ZNF577: variants seen among roughly 807,000 people sequenced by gnomAD.
The protein encoded by ZNF577 is zinc finger protein 577.
ZNF577 carries 14 observed loss-of-function variants against 13.9 expected under a neutral mutation model. The observed-to-expected ratio is 1.00, with a 90% confidence interval of 0.66 to 1.57. The LOEUF (loss-of-function observed/expected upper bound fraction) is 1.57, where lower values mean the gene tolerates loss of function less well. ZNF577 is among the 40% of genes most tolerant of loss of function. The pLI, the probability that ZNF577 is intolerant of heterozygous loss-of-function variation, is 0.00. For missense variants in ZNF577, 555 were observed against 579.2 expected, an observed-to-expected ratio of 0.96 and a Z score of 0.43; for synonymous variants, 203 against 202.9, an observed-to-expected ratio of 1.00 and a Z score of 0.00.
chr19:51,814,641 G>T (rs1451725301), intron 9 of ZNF577, among the ~76,000 whole-genome samples: 1 of 151,740 alleles, frequency 6.6e-6, no homozygotes, highest in Non-Finnish European at 1.5e-5. Flanking sequence ...CTACAGGCAT[G>T]TGCCATTCTG....
exon 6 of ZNF577, chr19:51,844,811 T>A (rs1197447425): frequency 6.6e-6 from 1 of 152,248 alleles, no homozygotes; most frequent in Non-Finnish European, 1.5e-5. Flanking sequence ...ACTTTTAGTA[T>A]CTGTTTGTCC....
In ZNF577 at chr19:51,873,171, A is replaced by G. The variant is rs182407520; in HGVS notation, c.819T>C (p.Ser273=). The change falls in exon 6 of 6, where the codon AGT becomes AGC. Residue 273 remains serine, a synonymous_variant. Transcript: ENST00000638348. ...SHTGEKLYGC[S]VCGKAFSQKA... ...TCTGAGAAAAGGCTTTCCCACACAC[A>G]CTGCACCCATAGAGTTTCTCTCCAG... 6 of 1,613,960 alleles carry G rather than the reference A, an allele frequency of 3.7e-6. No individual in the cohort carries two copies. The South Asian group carries it at 6.6e-5, about 18-fold the overall frequency.
intron 9 of ZNF577, among the ~76,000 whole-genome samples, chr19:51,828,259 T>C (rs921061472): frequency 6.6e-6 from 1 of 151,890 alleles, no homozygotes; most frequent in Non-Finnish European, 1.5e-5. Flanking sequence ...TCCCAGCTAC[T>C]TGGAAGACTG....
At chr19:51,877,134 G>C (rs892734722) in intron 5 of ZNF577, 148 bp downstream of exon 5, 1 of 607,086 alleles carries the variant, frequency 1.6e-6, no homozygotes, top group East Asian at 2.9e-5. Flanking sequence ...ATTAGGGATG[G>C]ACACAGATGC....
chr19:51,847,580 G>C (rs1290351687), intron 5 of ZNF577, among the ~76,000 whole-genome samples: 1 of 152,230 alleles, frequency 6.6e-6, no homozygotes, highest in East Asian at 1.9e-4. Context: ...CAGGGAGCAC[G>C]ATGAGGAGAG....
At chr19:51,842,678 G>A (rs117292022) in intron 8 of ZNF577, 2,820 of 152,288 alleles carry the variant, frequency 0.019, 39 homozygotes, top group Non-Finnish European at 0.03. Context: ...TCATATTGAA[G>A]ACCTCTTTTC....
intron 1 of ZNF577, among the ~76,000 whole-genome samples, chr19:51,885,434 A>G (rs1050909045): frequency 1.3e-5 from 2 of 152,086 alleles, no homozygotes; most frequent in Non-Finnish European, 2.9e-5. Context: ...AGAATTTCCC[A>G]TTATGATTGG....
chr19:51,834,425 T>C (rs1173122961), intron 9 of ZNF577, among the ~76,000 whole-genome samples: 1 of 152,198 alleles, frequency 6.6e-6, no homozygotes, highest in East Asian at 1.9e-4. Context: ...TCTTTTCAAG[T>C]GCTGGGTTAT....
intron 5 of ZNF577, among the ~76,000 whole-genome samples, chr19:51,853,962 T>C (rs117482005): frequency 0.01 from 1,566 of 150,978 alleles, 16 homozygotes; most frequent in Admixed American, 0.019. Flanking sequence ...AGATAGATTA[T>C]AGGTAGAAGA....
intron 1 of ZNF577, among the ~76,000 whole-genome samples, chr19:51,883,577 T>G (rs2084897344): frequency 6.6e-6 from 1 of 151,324 alleles, no homozygotes; most frequent in Non-Finnish European, 1.5e-5. Flanking sequence ...TACTTCCTAC[T>G]GCAACATATG....
At chr19:51,859,071 T>C (rs1334597455) in intron 5 of ZNF577, among the ~76,000 whole-genome samples, 2 of 152,206 alleles carry the variant, frequency 1.3e-5, no homozygotes, top group African/African-American at 2.4e-5. Context: ...TTCAGAGTAT[T>C]TGATATAAAT....
rs190551062 is a variant in ZNF577 at position 51,869,501 on chromosome 19, T to C, written c.*3031A>G. Among the ~76,000 whole-genome samples, 54 of 152,128 alleles carry C rather than the reference T, an allele frequency of 3.5e-4. No homozygotes were observed. The highest frequency in any genetic ancestry group is 6.2e-4 in the Non-Finnish European group (42 of 67,962). The stretch of plus-strand genomic sequence containing the variant: ...TGCCACATCCCCCTCTCCGAGATGG[T>C]AGAGATAGTGATCAACAAATGCTGA... On this transcript the variant is annotated 3_prime_UTR_variant, in exon 6 of 6. Transcript: ENST00000638348.
At chr19:51,825,150 ACC>A (rs1195456036) in intron 9 of ZNF577, 1 of 237,134 alleles carries the variant, frequency 4.2e-6, no homozygotes, top group African/African-American at 2.3e-5. Flanking sequence ...GGTTCCCACT[ACC>A]CCCTCTTTGG....
At chr19:51,856,779 G>A (rs1015744793) in intron 5 of ZNF577, among the ~76,000 whole-genome samples, 21 of 152,086 alleles carry the variant, frequency 1.4e-4, no homozygotes, top group African/African-American at 5.1e-4. Flanking sequence ...ATAATATACT[G>A]CATGAAAGGT....
chr19:51,854,856 T>C (rs2084402193), intron 5 of ZNF577, among the ~76,000 whole-genome samples: 1 of 152,180 alleles, frequency 6.6e-6, no homozygotes, highest in South Asian at 2.1e-4. Context: ...CACTTCTTCA[T>C]GTTCCTCAGA....
At chr19:51,876,797 C>T (rs888890804) in intron 5 of ZNF577, among the ~76,000 whole-genome samples, 1 of 151,654 alleles carries the variant, frequency 6.6e-6, no homozygotes, top group Non-Finnish European at 1.5e-5. Flanking sequence ...GCCTGGTGGC[C>T]GGCACCTGTA....
rs2084590238 is a variant in ZNF577, at chr19:51,867,850, TCA to T, written c.*4680_*4681del. ...ACAAAGCTAGGGTTGGAAAAAGCCCTCAGAGGTCAGACTAATCAGCACCAATG... is the reference window on the plus strand; with the variant it reads ...ACAAAGCTAGGGTTGGAAAAAGCCCTGAGGTCAGACTAATCAGCACCAATG... On this transcript the variant is annotated 3_prime_UTR_variant, in exon 6 of 6. Transcript: ENST00000638348. 6.6e-6 allele frequency among the ~76,000 whole-genome samples: 1 copy of T among 152,086 alleles called. No homozygotes were observed. Among genetic ancestry groups the T allele is most frequent in the Non-Finnish European group, 1.5e-5 (1 of 68,014 alleles).
intron 5 of ZNF577, among the ~76,000 whole-genome samples, chr19:51,875,304 A>G (rs570222326): frequency 1.3e-3 from 195 of 147,892 alleles, no homozygotes; most frequent in Non-Finnish European, 2.6e-3. Context: ...CAGAGGTTGC[A>G]GTGAGCCAAG....
rs2084781847 is a variant in ZNF577, at chr19:51,877,363, T to G, written c.202A>C (p.Lys68Gln). The G allele has an allele frequency of 6.2e-7, 1 of 1,614,134 alleles. No homozygotes were observed. Residue 68 changes from lysine to glutamine, a missense_variant, in exon 5 of 6, where the codon AAG (lysine) becomes CAG (glutamine). Coordinates refer to ENST00000638348, the MANE Select transcript of ZNF577 (RefSeq NM_001370449.1). The stretch of plus-strand genomic sequence containing the variant: ...TCCAACTTGAAGAGCGAATCTGGCT[T>G]GGTGCCTCGATACCCTGTAAATGGG... ...NLVSIGYRGTKPDSLFKLEQG... is the reference protein window; with the variant it reads ...NLVSIGYRGTQPDSLFKLEQG...
Sources: gnomAD v4.1 joint callset for allele counts (sites outside exome capture counted in the v4.1 genomes callset) on GRCh38, gnomAD v4.1.1 for gene constraint, MANE v1.5 for transcripts, NCBI Gene and HGNC (gene_info 2026-07-23, HGNC 2026-07-21) for gene names.